The following TAPBPL variants were observed in gnomAD, a reference collection of about 807,000 sequenced individuals.
TAPBPL encodes TAP binding protein like, also known as tapasin-related protein.
TAPBPL carries 32 observed loss-of-function variants against 44.8 expected under a neutral mutation model. That is an observed-to-expected ratio of 0.71 (90% CI 0.54 to 0.96). The LOEUF (loss-of-function observed/expected upper bound fraction) is 0.96. TAPBPL is among the 40% of genes least tolerant of loss of function. The probability of loss-of-function intolerance (pLI) is 0.00; values close to 1 mark genes in which losing one functional copy is unlikely to be tolerated. For synonymous variants in TAPBPL, 230 were observed against 240.7 expected (o/e 0.96, Z 0.41); for missense variants, 520 against 586.6 (o/e 0.89, Z 1.17).
At chr12:6,459,484 A>G (rs1949786551) in intron 5 of TAPBPL, among the ~76,000 whole-genome samples, 1 of 152,258 alleles carries the variant, frequency 6.6e-6, no homozygotes, top group Non-Finnish European at 1.5e-5. Context: ...ACATGAATCA[A>G]GCAGTGTAGA....
chr12:6,465,466 A>ATAGTGT (rs1555130299), downstream of TAPBPL: 1 of 103,198 alleles, frequency 9.7e-6, no homozygotes, highest in Non-Finnish European at 1.8e-5. Context: ...GTGTATATAT[A>ATAGTGT]GTGTGTGTGT....
chr12:6,470,659 A>T, downstream of TAPBPL: 1 of 1,266,198 alleles, frequency 7.9e-7, no homozygotes, highest in South Asian at 1.2e-5. Flanking sequence ...CCCGCGGTCT[A>T]GCTGCGCTGG....
downstream of TAPBPL, chr12:6,466,244 G>A (rs1334404167): frequency 1.2e-6 from 2 of 1,614,088 alleles, no homozygotes; most frequent in East Asian, 2.2e-5. Context: ...TTGTGCCTGG[G>A]TTTGCTGTAG....
downstream of TAPBPL, among the ~76,000 whole-genome samples, chr12:6,471,176 C>T (rs1031258159): frequency 6.6e-6 from 1 of 152,180 alleles, no homozygotes; most frequent in Non-Finnish European, 1.5e-5. This position sits in a 1 kb window ranked among gnomAD's most constrained non-coding sequence, Gnocchi z 4.0. Flanking sequence ...GTGCAGGAGC[C>T]TCGAGACACA....
At chr12:6,452,912 G>C (rs1949594404) in intron 1 of TAPBPL, among the ~76,000 whole-genome samples, 155 bp from the exon 2 acceptor site, 1 of 152,180 alleles carries the variant, frequency 6.6e-6, no homozygotes, top group African/African-American at 2.4e-5. Flanking sequence ...AGCTGGTTTG[G>C]GGATGACGGG....
At chr12:6,457,317 T>G (rs943795453) in intron 3 of TAPBPL, 89 bp from the exon 4 acceptor site, 183 of 1,281,866 alleles carry the variant, frequency 1.4e-4, no homozygotes, top group East Asian at 8.9e-4. Flanking sequence ...AAGAGGCAGG[T>G]GTATGCCCAC....
chr12:6,459,994 T>G (rs1467149377), intron 5 of TAPBPL, among the ~76,000 whole-genome samples: 1 of 151,888 alleles, frequency 6.6e-6, no homozygotes, highest in African/African-American at 2.4e-5. Flanking sequence ...GGTCTCAAAC[T>G]CCTGACCTCA....
At chr12:6,452,478 G>A (rs536581949) in intron 1 of TAPBPL, 166 bp downstream of exon 1, 2 of 1,443,824 alleles carry the variant, frequency 1.4e-6, no homozygotes, top group Admixed American at 5.7e-5. Flanking sequence ...GGAACCAATA[G>A]TGTGTGTGGA....
chr12:6,470,639 C>T (rs1312326416), downstream of TAPBPL: 27 of 1,465,490 alleles, frequency 1.8e-5, no homozygotes, highest in African/African-American at 7.0e-5. Flanking sequence ...CTCCGCCTCG[C>T]GCCGACTACC....
At chr12:6,466,507 A>AC (rs1294029533), downstream of TAPBPL, 2 of 667,496 alleles carry the variant, frequency 3.0e-6, no homozygotes, top group African/African-American at 3.7e-5. Context: ...TCATAGCGAG[A>AC]CCCCATCTCT....
rs2532500 is a variant in TAPBPL at position 6,453,644 on chromosome 12, A to G, written c.493A>G (p.Thr165Ala). The G allele has an allele frequency of 0.7, 1,126,771 of 1,613,272 alleles. 395,533 individuals are homozygous for G. Among genetic ancestry groups the G allele is most frequent in the East Asian group, 0.78 (35,148 of 44,860 alleles). ...CTTGGTGATGAAGACTCCCAGGGTCACCAAGAATGAGGCGCTCTGGCACCC... is the reference window on the plus strand; with the variant it reads ...CTTGGTGATGAAGACTCCCAGGGTCGCCAAGAATGAGGCGCTCTGGCACCC... ...ISLVMKTPRV[T>A]KNEALWHPTL... The change falls in exon 3 of 7, where the codon ACC becomes GCC. Residue 165 changes from threonine to alanine, a missense_variant. By Grantham distance (58) the Thr-to-Ala change is moderately conservative. Coordinates refer to ENST00000266556, the MANE Select transcript of TAPBPL (RefSeq NM_018009.5). The surrounding 1 kb of genome is among the most constrained non-coding windows in gnomAD (Gnocchi z 4.8).
downstream of TAPBPL, chr12:6,464,051 C>T (rs369954589): frequency 4.7e-5 from 61 of 1,297,520 alleles, no homozygotes; most frequent in East Asian, 9.1e-4. Context: ...TTCCCAGCCC[C>T]TCCCTAGCTC....
chr12:6,452,109 C>T lies in TAPBPL; in HGVS notation c.-140C>T. On this transcript the variant is annotated 5_prime_UTR_variant, in exon 1 of 7. Coordinates refer to ENST00000266556, the MANE Select transcript of TAPBPL (RefSeq NM_018009.5). The stretch of plus-strand genomic sequence containing the variant: ...GTGAAAGTGAAAGAAAAGTCGGCAG[C>T]AGAGGGAACAGGGAAGAAACCTAAA... 9.9e-7 allele frequency: 1 copy of T among 1,007,874 alleles called. No homozygotes were observed. Among genetic ancestry groups the T allele is most frequent in the Non-Finnish European group, 1.5e-6 (1 of 670,720 alleles). 62.4% of individuals were successfully genotyped at this position (1,007,874 alleles called of 1,614,324 possible).
Position 6,452,252 on chromosome 12 carries a change from G to A in TAPBPL, c.4G>A (p.Gly2Ser). 1.3e-6 allele frequency: 2 copies of A among 1,572,426 alleles called. No homozygotes were observed. The highest frequency in any genetic ancestry group is 2.3e-5 in the East Asian group (1 of 43,598). Residue 2 changes from glycine to serine, a missense_variant, in exon 1 of 7, where the codon GGC (glycine) becomes AGC (serine). Physicochemically the swap from Gly to Ser is moderately conservative, Grantham distance 56. Coordinates refer to ENST00000266556, the MANE Select transcript of TAPBPL (RefSeq NM_018009.5). M[G>S]TQEGWCLLLC... ...AGGGAACTCGAGAGCAGCCTCCATG[G>A]GCACACAGGAGGGCTGGTGCCTGCT...
chr12:6,470,667 T>TGGAACTTACTGCAGCTGCCGCGCC (rs1945753368), downstream of TAPBPL: 5 of 1,132,464 alleles, frequency 4.4e-6, no homozygotes, highest in African/African-American at 6.2e-5. Context: ...CTAGCTGCGC[T>TGGAACTTACTGCAGCTGCCGCGCC]GGAACTTACT....
downstream of TAPBPL, among the ~76,000 whole-genome samples, chr12:6,469,771 A>G (rs1216622462): frequency 6.6e-6 from 1 of 152,220 alleles, no homozygotes; most frequent in East Asian, 1.9e-4. Flanking sequence ...CCTCAAGATC[A>G]TGCGAAGGGG....
chr12:6,465,388 A>ATATATATAAATGTATATATATG (rs1949986212), downstream of TAPBPL: 9 of 75,522 alleles, frequency 1.2e-4, no homozygotes, highest in Admixed American at 2.7e-4. Context: ...ATATATATGT[A>ATATATATAAATGTATATATATG]TATATATATA....
At chr12:6,456,966 TA>T (rs1450040683) in intron 3 of TAPBPL, among the ~76,000 whole-genome samples, 2 of 152,252 alleles carry the variant, frequency 1.3e-5, no homozygotes, top group East Asian at 3.8e-4. Context: ...ACGTACTTTT[TA>T]AACTATTGTT....
the TAPBPL span, among the ~76,000 whole-genome samples, chr12:6,471,589 A>T: frequency 1.3e-5 from 2 of 152,174 alleles, no homozygotes; most frequent in African/African-American, 4.8e-5. The surrounding 1 kb of genome is among the most constrained non-coding windows in gnomAD (Gnocchi z 4.0). Context: ...GCACTTTGGG[A>T]GGCCGAGTCA....
Sources: gnomAD v4.1 joint callset for allele counts (sites outside exome capture counted in the v4.1 genomes callset) on GRCh38, gnomAD v4.1.1 for gene constraint, Gnocchi (gnomAD v3.1) non-coding constraint, MANE v1.5 for transcripts, NCBI Gene and HGNC (gene_info 2026-07-23, HGNC 2026-07-21) for gene names.